The following TUB variants were observed in gnomAD, a reference collection of about 807,000 sequenced individuals.
TUB encodes tubby protein homolog.
In TUB, 33 loss-of-function variants were observed where a neutral mutation model predicts 59.7. That is an observed-to-expected ratio of 0.55 (90% CI 0.42 to 0.74). The LOEUF is 0.74. TUB is among the 30% of genes least tolerant of loss of function. The pLI is 0.00. For missense variants in TUB, 659 were observed against 672.0 expected, an observed-to-expected ratio of 0.98 and a Z score of 0.21; for synonymous variants, 293 against 256.4, an observed-to-expected ratio of 1.14 and a Z score of -1.36.
chr11:8,035,838 G>C (rs1271656409), upstream of TUB: 1 of 152,332 alleles, frequency 6.6e-6, no homozygotes, highest in Non-Finnish European at 1.5e-5. Flanking sequence ...CCTCTAGGGG[G>C]AGGACAGCAT....
At chr11:8,055,410 G>A (rs953170600) in intron 2 of TUB, among the ~76,000 whole-genome samples, 2 of 152,200 alleles carry the variant, frequency 1.3e-5, no homozygotes, top group African/African-American at 4.8e-5. Context: ...GACCCGGTCT[G>A]GCCTGAGGCT....
chr11:8,064,144 A>G (rs572670442), intron 2 of TUB, among the ~76,000 whole-genome samples: 1 of 152,328 alleles, frequency 6.6e-6, no homozygotes, highest in African/African-American at 2.4e-5. Context: ...AATGTACGTC[A>G]GGGCCATAGT....
intron 3 of TUB, 39 bp downstream of exon 3, chr11:8,090,270 C>A (rs764124863): frequency 6.2e-7 from 1 of 1,603,952 alleles, no homozygotes; most frequent in Admixed American, 1.7e-5. Context: ...GTCACTGCTT[C>A]GGGGAGCCCG....
intron 1 of TUB, among the ~76,000 whole-genome samples, chr11:8,027,823 G>T (rs1262917515): frequency 1.3e-5 from 2 of 152,176 alleles, no homozygotes; most frequent in African/African-American, 4.8e-5. Context: ...CCAGCATTTT[G>T]TTTATACATT....
chr11:8,104,430 GTGTGTGTC>G lies in TUB; in HGVS notation c.*2816_*2823del, dbSNP rs1241984575. ...AGGTGCTCTGTGTCCGTCTGTGTAT[GTGTGTGTC>G]TGTGCGTCTGTGTGTTTATTTGGGG... On this transcript the variant is annotated 3_prime_UTR_variant, in exon 12 of 12. Coordinates refer to ENST00000299506, the MANE Select transcript of TUB (RefSeq NM_177972.3). 1.7e-4 allele frequency: 26 copies of G among 152,240 alleles called. No homozygotes were observed. The highest frequency in any genetic ancestry group is 6.3e-4 in the African/African-American group (26 of 41,432). 9.4% of individuals were successfully genotyped at this position (152,240 alleles called of 1,614,324 possible).
Position 8,101,833 on chromosome 11 carries a change from GGGATGAGAA to G in TUB, c.*215_*223del. 1.4e-6 allele frequency: 1 copy of G among 711,126 alleles called. No homozygotes were observed. The highest frequency in any genetic ancestry group is 2.0e-5 in the South Asian group (1 of 49,688). 44.1% of individuals were successfully genotyped at this position (711,126 alleles called of 1,614,324 possible). ...TGGAGAGCGGGTGGGTGGGTGTGAA[GGGATGAGAA>G]TAATTCTTTCCATGCCACGAGATCA... On this transcript the variant is annotated 3_prime_UTR_variant, in exon 12 of 12. Coordinates refer to ENST00000299506, the MANE Select transcript of TUB (RefSeq NM_177972.3).
intron 3 of TUB, 27 bp from the exon 4 acceptor site, chr11:8,094,019 C>T (rs565675273): frequency 1.2e-6 from 2 of 1,614,072 alleles, no homozygotes; most frequent in African/African-American, 1.3e-5. Context: ...GTTTCTCTCT[C>T]TCCATCTGGG....
At chr11:8,070,731 T>C (rs1373713874) in intron 2 of TUB, among the ~76,000 whole-genome samples, 1 of 152,068 alleles carries the variant, frequency 6.6e-6, no homozygotes, top group Non-Finnish European at 1.5e-5. Flanking sequence ...GGATGGGAAG[T>C]GGATTCCAGA....
intron 2 of TUB, among the ~76,000 whole-genome samples, chr11:8,043,162 G>C (rs1382266861): frequency 6.6e-6 from 1 of 152,090 alleles, no homozygotes; most frequent in Non-Finnish European, 1.5e-5. Context: ...ATATTCAGTT[G>C]TCCCAGCACC....
upstream of TUB, among the ~76,000 whole-genome samples, chr11:8,036,561 T>A (rs1210522545): frequency 2.0e-5 from 3 of 151,510 alleles, no homozygotes; most frequent in African/African-American, 7.3e-5. Flanking sequence ...TGAAGGGAGG[T>A]GTGTTTGAGC....
intron 1 of TUB, chr11:8,039,416 C>A (rs1942705646): frequency 4.5e-6 from 2 of 442,474 alleles, no homozygotes. Context: ...CAGGTCATCA[C>A]TGCCCTCATC....
chr11:8,034,039 C>G (rs1331140283), upstream of TUB, among the ~76,000 whole-genome samples: 1 of 152,190 alleles, frequency 6.6e-6, no homozygotes, highest in East Asian at 1.9e-4. Context: ...AATCAGGGAC[C>G]AGAGGCAAGG....
At chr11:8,081,035 C>T (rs1277862556), upstream of TUB, among the ~76,000 whole-genome samples, 3 of 152,144 alleles carry the variant, frequency 2.0e-5, no homozygotes, top group African/African-American at 7.2e-5. Flanking sequence ...TGCAGCGCCG[C>T]CGTTAGCCGA....
Position 8,021,461 on chromosome 11 carries a change from C to T in TUB, c.56+2103C>T, listed in dbSNP as rs113874113. Reference sequence around the variant, plus strand: ...CTCCAGCCTGGACGACAGAGCTAGACTCTGTCTCAAAAAATAAAAATAAAT... The same window carrying T: ...CTCCAGCCTGGACGACAGAGCTAGATTCTGTCTCAAAAAATAAAAATAAAT... On this transcript the variant is annotated intron_variant, in intron 1 of 11. Transcript: ENST00000534099. Among the ~76,000 whole-genome samples, 949 of 152,006 alleles carry T rather than the reference C, an allele frequency of 6.2e-3. 9 individuals are homozygous for T. The highest frequency in any genetic ancestry group is 0.014 in the East Asian group (73 of 5,156).
chr11:8,088,721 C>T (rs1204563398), intron 1 of TUB, among the ~76,000 whole-genome samples: 11 of 152,228 alleles, frequency 7.2e-5, no homozygotes, highest in Non-Finnish European at 1.6e-4. Flanking sequence ...GCCTAGGTCT[C>T]ATGCATGTGT....
intron 4 of TUB, among the ~76,000 whole-genome samples, chr11:8,094,544 G>A (rs1050692212): frequency 2.0e-5 from 3 of 152,198 alleles, no homozygotes; most frequent in Admixed American, 2.0e-4. Context: ...ACTGCACTGG[G>A]GGCTGACTGC....
chr11:8,100,437 C>A lies in TUB; in HGVS notation c.1117-66C>A, dbSNP rs1227227454. 4.8e-6 allele frequency: 6 copies of A among 1,247,882 alleles called. No individual in the cohort carries two copies. In the South Asian group the frequency reaches 5.0e-5, roughly 10 times the overall value. 77.3% of individuals were successfully genotyped at this position (1,247,882 alleles called of 1,614,324 possible). On this transcript the variant is annotated intron_variant, in intron 9 of 11. Coordinates refer to ENST00000299506, the MANE Select transcript of TUB (RefSeq NM_177972.3). ...ACTAGCTCTTCCTCTTTATTCCCGT[C>A]CCCCCCACCTTCTCCAGTAGGTAAA... is the stretch of plus-strand genomic sequence containing the variant.
intron 1 of TUB, among the ~76,000 whole-genome samples, chr11:8,025,466 T>C (rs984120007): frequency 4.6e-5 from 7 of 152,158 alleles, no homozygotes; most frequent in Non-Finnish European, 1.0e-4. Flanking sequence ...TCTGCCTCTT[T>C]GTAAAACTTC....
upstream of TUB, among the ~76,000 whole-genome samples, chr11:8,033,889 T>C (rs11604511): frequency 0.29 from 43,917 of 152,284 alleles, 6,999 homozygotes; most frequent in African/African-American, 0.41. Context: ...TTTCCCCCTC[T>C]GGCCTGGTTC....
Sources: gnomAD v4.1 joint callset for allele counts (sites outside exome capture counted in the v4.1 genomes callset) on GRCh38, gnomAD v4.1.1 for gene constraint, MANE v1.5 for transcripts, NCBI Gene and HGNC (gene_info 2026-07-23, HGNC 2026-07-21) for gene names.